SPATA16: variants seen among roughly 807,000 people sequenced by gnomAD.
SPATA16 encodes spermatogenesis associated 16.
In SPATA16, 36 loss-of-function variants were observed where a neutral mutation model predicts 63.3. The observed-to-expected ratio is 0.57, with a 90% CI of 0.44 to 0.75. The LOEUF is 0.75. Ranked by LOEUF, SPATA16 falls within the 30% of genes least tolerant of loss-of-function variation. The probability of loss-of-function intolerance (pLI) is 0.00; values close to 1 mark genes in which losing one functional copy is unlikely to be tolerated. For synonymous variants in SPATA16, 203 were observed against 216.7 expected, an observed-to-expected ratio of 0.94 and a Z score of 0.56; for missense variants, 646 against 679.3, an observed-to-expected ratio of 0.95 and a Z score of 0.54.
chr3:173,081,036 C>T (rs980031028), intron 2 of SPATA16, among the ~76,000 whole-genome samples: 19 of 152,270 alleles, frequency 1.2e-4, no homozygotes, highest in African/African-American at 4.3e-4. Flanking sequence ...ACTGCTGCTT[C>T]ATAAAGATGG....
At chr3:173,001,268 GTT>G (rs776040026) in intron 4 of SPATA16, among the ~76,000 whole-genome samples, 4 of 137,556 alleles carry the variant, frequency 2.9e-5, no homozygotes, top group African/African-American at 5.4e-5. Context: ...CTTCTCAGTT[GTT>G]TTTTTTTTTT....
intron 1 of SPATA16, among the ~76,000 whole-genome samples, chr3:173,118,158 T>C (rs755620433): frequency 1.3e-5 from 2 of 152,192 alleles, no homozygotes; most frequent in African/African-American, 2.4e-5. Context: ...CAAAATACAC[T>C]ACTCACCTGA....
At chr3:173,047,251 T>A (rs925935158) in intron 3 of SPATA16, among the ~76,000 whole-genome samples, 1 of 151,856 alleles carries the variant, frequency 6.6e-6, no homozygotes, top group African/African-American at 2.4e-5. Context: ...CTGTTACTTA[T>A]TTTTAATAAC....
At chr3:172,971,617 C>T (rs1734049524) in intron 5 of SPATA16, among the ~76,000 whole-genome samples, 1 of 152,156 alleles carries the variant, frequency 6.6e-6, no homozygotes, top group African/African-American at 2.4e-5. Context: ...ACATGTAGCA[C>T]AGTGCCTTAC....
chr3:172,971,865 GA>G (rs953538345), intron 5 of SPATA16, among the ~76,000 whole-genome samples: 2 of 152,100 alleles, frequency 1.3e-5, no homozygotes, highest in Admixed American at 1.3e-4. Flanking sequence ...ATAGCAAAAA[GA>G]AAAGGGGTTG....
intron 8 of SPATA16, among the ~76,000 whole-genome samples, chr3:172,921,067 T>A (rs530573299): frequency 6.6e-6 from 1 of 151,842 alleles, no homozygotes; most frequent in Non-Finnish European, 1.5e-5. Context: ...GTCTTTTTTT[T>A]TTTTTTTCCA....
At chr3:172,999,965 G>C (rs1053142348) in intron 4 of SPATA16, among the ~76,000 whole-genome samples, 8 of 151,992 alleles carry the variant, frequency 5.3e-5, no homozygotes, top group African/African-American at 1.9e-4. Context: ...CTGATTTTCT[G>C]CCTCCTGGAT....
At chr3:172,974,730 ATATGCCTAAGATTTTGGG>A (rs1460163720) in intron 5 of SPATA16, among the ~76,000 whole-genome samples, 2 of 152,078 alleles carry the variant, frequency 1.3e-5, no homozygotes, top group East Asian at 3.9e-4. Flanking sequence ...ATCATTTTGG[ATATGCCTAAGATTTTGGG>A]TAAGATTTTA....
chr3:172,948,193 T>C (rs1733338071), intron 6 of SPATA16, among the ~76,000 whole-genome samples: 1 of 152,004 alleles, frequency 6.6e-6, no homozygotes, highest in Admixed American at 6.6e-5. Flanking sequence ...AATAATCAAA[T>C]TCCCAAAGGC....
chr3:173,105,807 C>CCCTT (rs34064036), intron 2 of SPATA16, among the ~76,000 whole-genome samples: 142,038 of 147,202 alleles, frequency 0.96, 68,557 homozygotes, highest in East Asian at 0.99. Context: ...CTCCCTTCCT[C>CCCTT]CCTTCCTTCC....
chr3:173,060,180 C>T (rs969532747), intron 2 of SPATA16, among the ~76,000 whole-genome samples: 11 of 152,044 alleles, frequency 7.2e-5, no homozygotes, highest in African/African-American at 9.7e-5. Flanking sequence ...TTGCTGGAAC[C>T]TGGGAAGCAG....
intron 3 of SPATA16, among the ~76,000 whole-genome samples, chr3:173,028,055 CTTCCTTCCTTCCTTCCTTCCTT>C (rs1279515351): frequency 1.1e-4 from 12 of 110,708 alleles, no homozygotes; most frequent in Admixed American, 5.0e-4. Context: ...TCCTTCCTTC[CTTCCTTCCTTCCTTCCTTCCTT>C]TCTCTCTCTC....
At chr3:173,135,162 T>C (rs1414415569) in intron 1 of SPATA16, among the ~76,000 whole-genome samples, 1 of 152,136 alleles carries the variant, frequency 6.6e-6, no homozygotes, top group Non-Finnish European at 1.5e-5. Context: ...TTAATAGACA[T>C]ATCACAAAAG....
intron 4 of SPATA16, among the ~76,000 whole-genome samples, chr3:173,004,268 A>T (rs578261269): frequency 6.6e-6 from 1 of 152,176 alleles, no homozygotes; most frequent in African/African-American, 2.4e-5. Flanking sequence ...AAAGGAAAGA[A>T]GGGGAGTTGG....
chr3:173,070,394 C>CA (rs34180269), intron 2 of SPATA16, among the ~76,000 whole-genome samples: 3,893 of 92,840 alleles, frequency 0.042, 65 homozygotes, highest in African/African-American at 0.062. Flanking sequence ...GACTCTGTCT[C>CA]AAAAAAAAAA....
chr3:173,062,801 C>T (rs1428707529), intron 2 of SPATA16, among the ~76,000 whole-genome samples: 1 of 152,124 alleles, frequency 6.6e-6, no homozygotes, highest in Non-Finnish European at 1.5e-5. Flanking sequence ...TGGATGGTTT[C>T]GTGACAAAAC....
intron 5 of SPATA16, among the ~76,000 whole-genome samples, chr3:172,974,094 A>G (rs544884935): frequency 2.0e-4 from 30 of 152,216 alleles, no homozygotes; most frequent in African/African-American, 7.2e-4. Flanking sequence ...TCCTAATGCA[A>G]TTGAAAGGTT....
intron 5 of SPATA16, among the ~76,000 whole-genome samples, chr3:172,958,813 CCT>C (rs1733668953): frequency 6.6e-6 from 1 of 151,914 alleles, no homozygotes; most frequent in Non-Finnish European, 1.5e-5. Flanking sequence ...GTTCTAATTT[CCT>C]CTTTTTATAA....
intron 4 of SPATA16, among the ~76,000 whole-genome samples, chr3:172,978,155 C>T (rs1234509504): frequency 1.3e-5 from 2 of 148,864 alleles, no homozygotes; most frequent in Non-Finnish European, 3.0e-5. Flanking sequence ...CTCTCTCTCT[C>T]TCTCTCTATA....
Sources: allele counts gnomAD v4.1 joint callset (sites outside exome capture counted in the v4.1 genomes callset), GRCh38; gene constraint gnomAD v4.1.1; transcripts MANE v1.5; gene names NCBI Gene and HGNC (gene_info 2026-07-23, HGNC 2026-07-21).